Variants in HERC2 observed in about 807,000 individuals in gnomAD.
The protein encoded by HERC2 is E3 ubiquitin-protein ligase HERC2.
Under a neutral mutation model 537.7 loss-of-function variants are expected in HERC2, and 102 were observed. The observed-to-expected ratio is 0.19, with a 90% confidence interval of 0.16 to 0.22. The LOEUF is 0.22. Ranked by LOEUF, HERC2 falls within the 10% of genes least tolerant of loss-of-function variation. HERC2 has a pLI of 1.00. For missense variants in HERC2, 4,236 were observed against 6,198.2 expected (o/e 0.68, Z 10.63); for synonymous variants, 2,224 against 2,466.2 (o/e 0.90, Z 2.91).
chr15:28,287,572 A>C (rs375028808), intron 4 of HERC2, among the ~76,000 whole-genome samples: 8 of 152,208 alleles, frequency 5.3e-5, no homozygotes, highest in East Asian at 1.9e-4. Flanking sequence ...TTAAAATCAC[A>C]ACAAATCTTT....
chr15:28,232,184 C>T (rs1005211885), intron 30 of HERC2, among the ~76,000 whole-genome samples: 3 of 152,152 alleles, frequency 2.0e-5, no homozygotes, highest in Non-Finnish European at 4.4e-5. Flanking sequence ...AAATGCCCAT[C>T]GGAAACTCAG....
rs551897899 is a variant in HERC2 at position 28,198,921 on chromosome 15, G to A, written c.7717-152C>T. The A allele has an allele frequency of 6.8e-5, 48 of 704,064 alleles. No individual in the cohort carries two copies. In the East Asian group the frequency reaches 1.1e-3, roughly 17 times the overall value. 43.6% of individuals were successfully genotyped at this position (704,064 alleles called of 1,614,324 possible). A position where few individuals can be genotyped will look rare whatever the true frequency, so the allele number is the denominator to read the frequency against. On this transcript the variant is annotated intron_variant, in intron 48 of 92. Coordinates refer to ENST00000261609, the MANE Select transcript of HERC2 (RefSeq NM_004667.6). ...CTAGCACTTTGGGAGGCTGAGGTGG[G>A]AGGATCACTTGAGCTCAGGTGTTTG...
chr15:28,113,799 G>A lies in HERC2; in HGVS notation c.13914-121C>T. On this transcript the variant is annotated intron_variant, in intron 90 of 92. Transcript: ENST00000261609. The surrounding 1 kb of genome is among the most constrained non-coding windows in gnomAD (Gnocchi z 7.0). ...CGTCCCAGCTGGGAGAACAGAGGGAGCAGCTCCAGATGGCATGAGCATGCT... is the reference window on the plus strand; with the variant it reads ...CGTCCCAGCTGGGAGAACAGAGGGAACAGCTCCAGATGGCATGAGCATGCT... 1.3e-6 allele frequency: 1 copy of A among 763,338 alleles called. No homozygotes were observed. The highest frequency in any genetic ancestry group is 1.6e-5 in the South Asian group (1 of 63,446). 47.3% of individuals were successfully genotyped at this position (763,338 alleles called of 1,614,324 possible).
chr15:28,191,800 A>G (rs1306321282), intron 53 of HERC2, among the ~76,000 whole-genome samples, 161 bp downstream of exon 53: 5 of 152,240 alleles, frequency 3.3e-5, no homozygotes, highest in Admixed American at 6.5e-5. Context: ...TGGATGGTAT[A>G]TAACTCTAAC....
In HERC2 at chr15:28,178,937, T is replaced by A. The variant is rs534398599; in HGVS notation, c.9113A>T (p.Gln3038Leu). Residue 3038 changes from glutamine to leucine, a missense_variant, in exon 59 of 93, where the codon CAG becomes CTG. Physicochemically the swap from Gln to Leu is moderately radical, Grantham distance 113. Coordinates refer to ENST00000261609, the MANE Select transcript of HERC2 (RefSeq NM_004667.6). ...ISSGTVPIPR[Q>L]ITALSSYVVK... ...CACGTAGCTGCTGAGAGCTGTGATCTGCCGTGGGATGGGCACCGTCCCGCT... is the reference window on the plus strand; with the variant it reads ...CACGTAGCTGCTGAGAGCTGTGATCAGCCGTGGGATGGGCACCGTCCCGCT... 7.7e-5 allele frequency: 125 copies of A among 1,614,212 alleles called. 2 individuals are homozygous for A. In the South Asian group the frequency reaches 1.3e-3, roughly 17 times the overall value.
intron 39 of HERC2, 63 bp from the exon 40 acceptor site, chr15:28,214,865 G>A: frequency 7.4e-7 from 1 of 1,357,910 alleles, no homozygotes; most frequent in East Asian, 2.3e-5. Context: ...ACTACAGATT[G>A]TTATTTTTTT....
In HERC2 at chr15:28,280,071, T is replaced by C; in HGVS notation, c.539A>G (p.Lys180Arg). The change falls in exon 5 of 93, where the codon AAA (lysine) becomes AGA (arginine). Residue 180 changes from lysine to arginine, a missense_variant. This residue lies in a region of HERC2 where 491 missense variants were observed against 559.3 expected (regional missense o/e 0.88). Coordinates refer to ENST00000261609, the MANE Select transcript of HERC2 (RefSeq NM_004667.6). ...SGISLPPVDK[K>R]SSRPAGKGVE... is the part of the protein sequence containing the mutation. ...TCTTTCTTCGCTTTATTGTTACCTT[T>C]TTTTGTCCACAGGAGGCAGAGAAAT... The C allele has an allele frequency of 6.2e-7, 1 of 1,610,550 alleles. No individual in the cohort carries two copies. The highest frequency in any genetic ancestry group is 8.5e-7 in the Non-Finnish European group (1 of 1,178,250).
intron 68 of HERC2, among the ~76,000 whole-genome samples, chr15:28,164,894 CATAA>C (rs1893973517): frequency 6.6e-6 from 1 of 152,170 alleles, no homozygotes; most frequent in Admixed American, 6.5e-5. Flanking sequence ...GCACCTAATT[CATAA>C]ATAGAGGCTT....
rs147029741 is a variant in HERC2, at chr15:28,239,151, A to G, written c.3578-379T>C. Among the ~76,000 whole-genome samples the G allele has an allele frequency of 2.8e-3, 430 of 152,374 alleles. 3 individuals are homozygous for G. Among genetic ancestry groups the G allele is most frequent in the African/African-American group, 9.8e-3 (406 of 41,596 alleles). On this transcript the variant is annotated intron_variant, in intron 23 of 92. Coordinates refer to ENST00000261609, the MANE Select transcript of HERC2 (RefSeq NM_004667.6). ...TATTTGAAAATTATAAAATACACTT[A>G]TAAGTAACCCAAAATTCTAAGAAAA...
intron 57 of HERC2, among the ~76,000 whole-genome samples, chr15:28,181,539 C>T (rs1449800845): frequency 6.6e-6 from 1 of 152,184 alleles, no homozygotes; most frequent in African/African-American, 2.4e-5. Context: ...ATAAAGAAAA[C>T]GTATGATGTG....
At position 28,141,616 on chromosome 15, in the gene HERC2, C is replaced by A; in HGVS notation, c.11831G>T (p.Trp3944Leu). ...TCCACTGCCACCAGCAGAGAGAGTC[C>A]AGTCATCTGGTCGCCTACAATACAC... is the stretch of plus-strand genomic sequence containing the variant. ...VQWMNRRPDDWTLSAGGSGTI... is the reference protein window; with the variant it reads ...VQWMNRRPDDLTLSAGGSGTI... The change falls in exon 78 of 93, where the codon TGG (tryptophan) becomes TTG (leucine). Residue 3944 changes from tryptophan (W) to leucine (L), a missense_variant. By Grantham distance (61) the Trp-to-Leu change is moderately conservative. Transcript: ENST00000261609. 1.2e-6 allele frequency: 2 copies of A among 1,614,214 alleles called. No individual in the cohort carries two copies. The highest frequency in any genetic ancestry group is 1.1e-5 in the South Asian group (1 of 91,084).
chr15:28,252,899 C>G (rs56685874), intron 20 of HERC2, among the ~76,000 whole-genome samples: 1 of 152,342 alleles, frequency 6.6e-6, no homozygotes, highest in South Asian at 2.1e-4. Context: ...AGGCCCACCC[C>G]ACGCCACAGG....
intron 2 of HERC2, among the ~76,000 whole-genome samples, chr15:28,319,669 A>G (rs2077181489): frequency 6.6e-6 from 1 of 151,526 alleles, no homozygotes. Context: ...AAACTTAATA[A>G]ATCAAAACAA....
Position 28,319,323 on chromosome 15 carries a change from C to T in HERC2, c.72+2039G>A, listed in dbSNP as rs1458645577. ...TTTTTTGGCCAGGTGCAGTGGCTCA[C>T]GCCTGTAATCCCAGCAATTTGGGAG... On this transcript the variant is annotated intron_variant, in intron 2 of 92. Transcript: ENST00000261609. Among the ~76,000 whole-genome samples the T allele has an allele frequency of 1.3e-4, 20 of 152,276 alleles. No individual in the cohort carries two copies. In the East Asian group the frequency reaches 1.5e-3, roughly 12 times the overall value.
At chr15:28,306,538 A>T (rs907360839) in intron 2 of HERC2, among the ~76,000 whole-genome samples, 1 of 151,760 alleles carries the variant, frequency 6.6e-6, no homozygotes, top group Non-Finnish European at 1.5e-5. Flanking sequence ...TGTTTTTTTG[A>T]TTATGTCTTT....
In HERC2 at chr15:28,112,421, A is replaced by G. The variant is rs896254528; in HGVS notation, c.14233-386T>C. Among the ~76,000 whole-genome samples the G allele has an allele frequency of 9.2e-5, 14 of 152,336 alleles. No individual in the cohort carries two copies. In the Middle Eastern group the frequency reaches 0.014, roughly 148 times the overall value. On this transcript the variant is annotated intron_variant, in intron 92 of 92. Coordinates refer to ENST00000261609, the MANE Select transcript of HERC2 (RefSeq NM_004667.6). ...CTAGGAAACGGCAAGAATTATGGAC[A>G]AAAACTAAGAATTACTGACCTTCTA...
At chr15:28,276,612 A>G (rs2141025565) in intron 5 of HERC2, among the ~76,000 whole-genome samples, 1 of 152,044 alleles carries the variant, frequency 6.6e-6, no homozygotes, top group East Asian at 1.9e-4. Flanking sequence ...GTGCATGCCT[A>G]TAGTCCCAGC....
At chr15:28,274,583 G>A (rs1304073117) in intron 6 of HERC2, 136 bp from the exon 7 acceptor site, 3 of 861,620 alleles carry the variant, frequency 3.5e-6, no homozygotes, top group Non-Finnish European at 5.3e-6. Flanking sequence ...TAGCGCAGCT[G>A]CTCCAGTCAA....
At chr15:28,264,433 T>C (rs1386485640) in intron 14 of HERC2, among the ~76,000 whole-genome samples, 4 of 152,328 alleles carry the variant, frequency 2.6e-5, no homozygotes, top group African/African-American at 9.6e-5. Flanking sequence ...CATTTCCATA[T>C]GCTGTGCTGA....
Sources: allele counts gnomAD v4.1 joint callset (sites outside exome capture counted in the v4.1 genomes callset), GRCh38; gene constraint gnomAD v4.1.1; regional missense constraint gnomAD v4.1.1; non-coding constraint Gnocchi (gnomAD v3.1); transcripts MANE v1.5; gene names NCBI Gene and HGNC (gene_info 2026-07-23, HGNC 2026-07-21).